AP3M1: variants seen among roughly 807,000 people sequenced by gnomAD.
AP3M1 encodes the protein AP-3 complex subunit mu-1.
AP3M1 carries 29 observed loss-of-function variants against 42.6 expected under a neutral mutation model. The ratio of observed to expected loss-of-function variants is 0.68; its 90% CI spans 0.51 to 0.93. AP3M1 has a LOEUF of 0.93. AP3M1 is among the 40% of genes least tolerant of loss of function. The pLI is 0.00. For synonymous variants in AP3M1, 178 were observed against 175.3 expected (o/e 1.02, Z -0.12); for missense variants, 416 against 510.2 (o/e 0.82, Z 1.78).
chr10:74,128,244 ATT>A (rs113305142), intron 6 of AP3M1, among the ~76,000 whole-genome samples: 2 of 145,410 alleles, frequency 1.4e-5, no homozygotes. Context: ...CCAATGCTAA[ATT>A]TTTTTTTTTT....
chr10:74,134,108 G>A lies in AP3M1; in HGVS notation c.502C>T (p.Arg168Cys). 6.2e-7 allele frequency: 1 copy of A among 1,614,078 alleles called. No homozygotes were observed. The highest frequency in any genetic ancestry group is 8.5e-7 in the Non-Finnish European group (1 of 1,180,008). ...TTTGTGTACTTTACCCCTGCCCGACGCCATGGTATGTTGGACAGCTGCCCG... is the reference window on the plus strand; with the variant it reads ...TTTGTGTACTTTACCCCTGCCCGACACCATGGTATGTTGGACAGCTGCCCG... ...PTGQLSNIPW[R>C]RAGVKYTNNE... The change falls in exon 4 of 9, where the codon CGT (arginine) becomes TGT (cysteine). Residue 168 changes from arginine to cysteine, a missense_variant. Transcript: ENST00000355264.
At chr10:74,150,478 C>G (rs976772646) in intron 1 of AP3M1, 1 of 152,344 alleles carries the variant, frequency 6.6e-6, no homozygotes, top group African/African-American at 2.4e-5. Flanking sequence ...AGATTCCTGC[C>G]GTCTGTACTC....
At chr10:74,137,944 G>A (rs1376814471) in intron 2 of AP3M1, among the ~76,000 whole-genome samples, 163 bp downstream of exon 2, 1 of 152,088 alleles carries the variant, frequency 6.6e-6, no homozygotes, top group African/African-American at 2.4e-5. Context: ...GAGCAGCCAT[G>A]TGTGTAACTG....
At position 74,123,668 on chromosome 10, in the gene AP3M1, ACTAAGTAACTTTGTTAG is replaced by A; in HGVS notation, c.*125_*141del. 1.5e-6 allele frequency: 1 copy of A among 672,232 alleles called. No individual in the cohort carries two copies. The highest frequency in any genetic ancestry group is 1.9e-5 in the South Asian group (1 of 53,288). The allele number at this position is 672,232 out of a possible 1,614,324, so 41.6% of individuals were successfully genotyped here. A position where few individuals can be genotyped will look rare whatever the true frequency, so the allele number is the denominator to read the frequency against. On this transcript the variant is annotated 3_prime_UTR_variant, in exon 9 of 9. Transcript: ENST00000355264. The stretch of plus-strand genomic sequence containing the variant: ...GCTCCTTAAGAATCCTACATTGATA[ACTAAGTAACTTTGTTAG>A]CGGTGTGTAGCTAGACACAAATGCT...
rs1371402389 is a variant in AP3M1 at position 74,120,296 on chromosome 10, GGAA to G, written c.*3511_*3513del. On this transcript the variant is annotated 3_prime_UTR_variant, in exon 9 of 9. Transcript: ENST00000355264. ...TTTTATTTAATCCAAATGTTGCACT[GGAA>G]GAAGAAATCAACAGTGGTATATTTA... 3 of 152,286 alleles carry G rather than the reference GGAA, an allele frequency of 2.0e-5. No individual in the cohort carries two copies. The East Asian group carries it at 5.8e-4, about 29-fold the overall frequency. 9.4% of individuals were successfully genotyped at this position (152,286 alleles called of 1,614,324 possible). A position where few individuals can be genotyped will look rare whatever the true frequency, so the allele number is the denominator to read the frequency against.
In AP3M1 at chr10:74,138,241, G is replaced by C; in HGVS notation, c.139C>G (p.Pro47Ala). ...TAGTGGTGAGGTGTTGAAATGACAG[G>C]TGGTACATTTTCAACATCAGCAGCT... is the stretch of plus-strand genomic sequence containing the variant. ...EKAADVENVP[P>A]VISTPHHYLI... The change falls in exon 2 of 9, where the codon CCT (proline) becomes GCT (alanine). Residue 47 changes from proline (P) to alanine (A), a missense_variant. Pro to Ala is a conservative substitution (Grantham distance 27). Coordinates refer to ENST00000355264, the MANE Select transcript of AP3M1 (RefSeq NM_012095.6). 6.2e-7 allele frequency: 1 copy of C among 1,614,118 alleles called. No individual in the cohort carries two copies. Among genetic ancestry groups the C allele is most frequent in the Non-Finnish European group, 8.5e-7 (1 of 1,180,008 alleles).
intron 1 of AP3M1, among the ~76,000 whole-genome samples, chr10:74,142,903 T>A (rs1220272478): frequency 6.6e-6 from 1 of 152,224 alleles, no homozygotes; most frequent in Non-Finnish European, 1.5e-5. Flanking sequence ...ATTACACCTT[T>A]TTCTTGGAAG....
intron 6 of AP3M1, among the ~76,000 whole-genome samples, 187 bp from the exon 7 acceptor site, chr10:74,126,542 T>C (rs189995719): frequency 4.6e-5 from 7 of 152,172 alleles, no homozygotes; most frequent in East Asian, 1.9e-4. Flanking sequence ...CAGCTGAGGA[T>C]TGAAAATATT....
In AP3M1 at chr10:74,123,766, G is replaced by GT; in HGVS notation, c.*43_*44insA. ...GTACCTAATAGTGATACATCGTAAT[G>GT]ACACTTGGAAAACAAACTGGTCCTG... On this transcript the variant is annotated 3_prime_UTR_variant, in exon 9 of 9. Coordinates refer to ENST00000355264, the MANE Select transcript of AP3M1 (RefSeq NM_012095.6). The GT allele has an allele frequency of 6.9e-7, 1 of 1,443,424 alleles. No homozygotes were observed. Among genetic ancestry groups the GT allele is most frequent in the Non-Finnish European group, 9.8e-7 (1 of 1,024,438 alleles). 89.4% of individuals were successfully genotyped at this position (1,443,424 alleles called of 1,614,324 possible).
intron 3 of AP3M1, among the ~76,000 whole-genome samples, chr10:74,135,037 G>A (rs879556655): frequency 1.3e-4 from 19 of 151,904 alleles, no homozygotes; most frequent in Non-Finnish European, 1.6e-4. Context: ...AAATATAGTC[G>A]CAATCATACT....
intron 4 of AP3M1, among the ~76,000 whole-genome samples, chr10:74,130,523 C>T (rs1265949709): frequency 6.6e-6 from 1 of 150,766 alleles, no homozygotes; most frequent in Non-Finnish European, 1.5e-5. Context: ...GATAGCCAGC[C>T]TCAACCTCCT....
intron 1 of AP3M1, among the ~76,000 whole-genome samples, 180 bp from the exon 2 acceptor site, chr10:74,138,562 G>T (rs1841019818): frequency 8.3e-6 from 1 of 120,998 alleles, no homozygotes; most frequent in Non-Finnish European, 1.7e-5. Context: ...AAAAGGTGCA[G>T]AAATTGCATT....
In AP3M1 at chr10:74,120,294, C is replaced by T. The variant is rs1840394725; in HGVS notation, c.*3516G>A. On this transcript the variant is annotated 3_prime_UTR_variant, in exon 9 of 9. Transcript: ENST00000355264. ...ATTTTTATTTAATCCAAATGTTGCA[C>T]TGGAAGAAGAAATCAACAGTGGTAT... 1 of 152,118 alleles carries T rather than the reference C, an allele frequency of 6.6e-6. No homozygotes were observed. The highest frequency in any genetic ancestry group is 1.5e-5 in the Non-Finnish European group (1 of 68,030). The allele number at this position is 152,118 out of a possible 1,614,324, so 9.4% of individuals were successfully genotyped here.
intron 2 of AP3M1, 76 bp downstream of exon 2, chr10:74,138,031 A>G (rs1305682592): frequency 8.3e-6 from 12 of 1,438,130 alleles, no homozygotes; most frequent in South Asian, 1.4e-5. Flanking sequence ...AACCTGGGTA[A>G]TTAAATAATA....
At chr10:74,147,381 C>T (rs1342284541) in intron 1 of AP3M1, among the ~76,000 whole-genome samples, 6 of 152,154 alleles carry the variant, frequency 3.9e-5, no homozygotes, top group Admixed American at 1.3e-4. Flanking sequence ...TTTTAGACTC[C>T]ATCTTCTCAC....
intron 1 of AP3M1, among the ~76,000 whole-genome samples, chr10:74,148,944 C>T (rs1451012303): frequency 6.6e-6 from 1 of 151,668 alleles, no homozygotes; most frequent in African/African-American, 2.4e-5. Context: ...GCAATCTCAG[C>T]TTACCACAAC....
intron 6 of AP3M1, among the ~76,000 whole-genome samples, chr10:74,126,986 A>G (rs12764089): frequency 6.7e-6 from 1 of 149,250 alleles, no homozygotes; most frequent in East Asian, 1.9e-4. Flanking sequence ...AAAAAAAAAA[A>G]AAAAAAAAAA....
intron 4 of AP3M1, 132 bp downstream of exon 4, chr10:74,133,895 C>T (rs545722282): frequency 5.0e-5 from 53 of 1,053,924 alleles, no homozygotes; most frequent in Middle Eastern, 3.3e-4. Flanking sequence ...CCTCATGTTC[C>T]GCCTGCCTTG....
In AP3M1 at chr10:74,129,143, A is replaced by T; in HGVS notation, c.768T>A (p.Asn256Lys). The T allele has an allele frequency of 6.2e-7, 1 of 1,614,136 alleles. No homozygotes were observed. Among genetic ancestry groups the T allele is most frequent in the Non-Finnish European group, 8.5e-7 (1 of 1,180,006 alleles). ...RVLSFIPPDG[N>K]FRLISYRVSS... ...TGACACGGTATGATATGAGTCGGAA[A>T]TTTCCATCTGGAGGAATAAATGACA... The change falls in exon 6 of 9, where the codon AAT becomes AAA. Residue 256 changes from asparagine to lysine, a missense_variant. Coordinates refer to ENST00000355264, the MANE Select transcript of AP3M1 (RefSeq NM_012095.6).
Sources: allele counts gnomAD v4.1 joint callset (sites outside exome capture counted in the v4.1 genomes callset), GRCh38; gene constraint gnomAD v4.1.1; transcripts MANE v1.5; gene names NCBI Gene and HGNC (gene_info 2026-07-23, HGNC 2026-07-21).